SCRN1: variants seen among roughly 807,000 people sequenced by gnomAD.
SCRN1 encodes secernin 1.
Under a neutral mutation model 43.3 loss-of-function variants are expected in SCRN1, and 19 were observed. The observed-to-expected ratio is 0.44, with a 90% CI of 0.31 to 0.64. The LOEUF is 0.64. Among genes scored for constraint, SCRN1 ranks in the 30% least tolerant of loss-of-function variants. SCRN1 has a pLI of 0.09. For synonymous variants in SCRN1, 183 were observed against 188.9 expected, an observed-to-expected ratio of 0.97 and a Z score of 0.26; for missense variants, 447 against 524.1, an observed-to-expected ratio of 0.85 and a Z score of 1.44.
rs559846740 is a variant in SCRN1, at chr7:29,954,319, T to A, written c.341+860A>T. Reference sequence around the variant, plus strand: ...TCTATTTTTCTTTTCTAGTTTATGATTTTTCATATTTTTATATATATATTA... The same window carrying A: ...TCTATTTTTCTTTTCTAGTTTATGAATTTTCATATTTTTATATATATATTA... On this transcript the variant is annotated intron_variant, in intron 3 of 7. Transcript: ENST00000242059. Among the ~76,000 whole-genome samples the A allele has an allele frequency of 6.6e-5, 10 of 151,998 alleles. No individual in the cohort carries two copies. The South Asian group carries it at 2.1e-3, about 32-fold the overall frequency.
At chr7:29,953,246 T>C (rs1788017194) in intron 3 of SCRN1, among the ~76,000 whole-genome samples, 1 of 152,254 alleles carries the variant, frequency 6.6e-6, no homozygotes, top group African/African-American at 2.4e-5. Flanking sequence ...TTCTTAAAAT[T>C]TCCATTGCTC....
chr7:29,927,352 CCCCA>C (rs1237126607), intron 6 of SCRN1, among the ~76,000 whole-genome samples: 22 of 109,810 alleles, frequency 2.0e-4, no homozygotes, highest in Non-Finnish European at 3.2e-4. Context: ...TACATCACCC[CCCCA>C]CCCACCCACC....
intron 6 of SCRN1, among the ~76,000 whole-genome samples, chr7:29,929,361 G>A (rs7776904): frequency 0.034 from 5,150 of 152,326 alleles, 108 homozygotes; most frequent in African/African-American, 0.066. Context: ...GCCCTCCTGC[G>A]GAGCCTACTG....
rs369130153 is a variant in SCRN1, at chr7:29,921,227, C to G, written c.*2730G>C. 2 of 152,622 alleles carry G rather than the reference C, an allele frequency of 1.3e-5. No individual in the cohort carries two copies. The highest frequency in any genetic ancestry group is 4.8e-5 in the African/African-American group (2 of 41,444). 9.5% of individuals were successfully genotyped at this position (152,622 alleles called of 1,614,324 possible). ...GATACACAAAGGGTTTCCTAGGAAG[C>G]TACTTATACACTATGACCCTTAAAC... is the stretch of plus-strand genomic sequence containing the variant. On this transcript the variant is annotated 3_prime_UTR_variant, in exon 8 of 8. Coordinates refer to ENST00000242059, the MANE Select transcript of SCRN1 (RefSeq NM_014766.5).
intron 3 of SCRN1, among the ~76,000 whole-genome samples, chr7:29,949,451 T>C (rs1327564461): frequency 1.4e-5 from 2 of 145,602 alleles, no homozygotes; most frequent in Non-Finnish European, 3.0e-5. Context: ...TGATCTCAGC[T>C]CACTGCAACC....
intron 2 of SCRN1, among the ~76,000 whole-genome samples, chr7:29,963,711 T>C (rs1314814735): frequency 6.6e-6 from 1 of 152,192 alleles, no homozygotes; most frequent in Non-Finnish European, 1.5e-5. Context: ...AGCTGCACTT[T>C]CTGGACTAGC....
At position 29,923,795 on chromosome 7, in the gene SCRN1, T is replaced by G; in HGVS notation, c.*162A>C. 1.0e-4 allele frequency: 77 copies of G among 744,816 alleles called. No individual in the cohort carries two copies. Among genetic ancestry groups the G allele is most frequent in the Non-Finnish European group, 1.4e-4 (63 of 448,440 alleles). 46.1% of individuals were successfully genotyped at this position (744,816 alleles called of 1,614,324 possible). On this transcript the variant is annotated 3_prime_UTR_variant, in exon 8 of 8. Coordinates refer to ENST00000242059, the MANE Select transcript of SCRN1 (RefSeq NM_014766.5). ...ACCTACATTGCAGAAGGGGACGCTGTGAGATTCAAGGTGGAACACAAGGTA... is the reference window on the plus strand; with the variant it reads ...ACCTACATTGCAGAAGGGGACGCTGGGAGATTCAAGGTGGAACACAAGGTA...
chr7:29,985,331 G>C (rs748067962), intron 1 of SCRN1, among the ~76,000 whole-genome samples: 1 of 143,834 alleles, frequency 7.0e-6, no homozygotes, highest in Non-Finnish European at 1.5e-5. Flanking sequence ...ACTTGAACCT[G>C]GGGGGACAGA....
At chr7:29,932,024 G>C (rs557857595) in intron 6 of SCRN1, among the ~76,000 whole-genome samples, 1 of 152,318 alleles carries the variant, frequency 6.6e-6, no homozygotes, top group African/African-American at 2.4e-5. Context: ...ACCTGGCTGA[G>C]AGCAGAACTA....
At chr7:29,983,100 G>A (rs1016339585) in intron 1 of SCRN1, among the ~76,000 whole-genome samples, 3 of 151,972 alleles carry the variant, frequency 2.0e-5, no homozygotes, top group South Asian at 2.1e-4. Flanking sequence ...GCCTCCCAAA[G>A]TGCTGGGATT....
chr7:29,984,472 A>G (rs1298664231), intron 1 of SCRN1, among the ~76,000 whole-genome samples: 2 of 152,130 alleles, frequency 1.3e-5, no homozygotes, highest in Non-Finnish European at 2.9e-5. Context: ...TGAAAAAGAG[A>G]TAATTTCCCT....
rs192815127 is a variant in SCRN1 at position 29,935,262 on chromosome 7, A to T, written c.905+1294T>A. On this transcript the variant is annotated intron_variant, in intron 6 of 7. Coordinates refer to ENST00000242059, the MANE Select transcript of SCRN1 (RefSeq NM_014766.5). ...ATTGATATTGGCAGTAGTTTAAAAAATGAGGCCAAAGGGTCACAAGAGGTG... is the reference window on the plus strand; with the variant it reads ...ATTGATATTGGCAGTAGTTTAAAAATTGAGGCCAAAGGGTCACAAGAGGTG... Among the ~76,000 whole-genome samples, 151 of 152,360 alleles carry T rather than the reference A, an allele frequency of 9.9e-4. 2 individuals are homozygous for T. Among genetic ancestry groups the T allele is most frequent in the Non-Finnish European group, 1.6e-3 (110 of 68,038 alleles).
At chr7:29,975,145 T>A (rs983554890) in intron 1 of SCRN1, among the ~76,000 whole-genome samples, 5 of 152,188 alleles carry the variant, frequency 3.3e-5, no homozygotes, top group Admixed American at 6.5e-5. Flanking sequence ...TAACTCTCAA[T>A]CACATACACG....
chr7:29,931,856 C>T (rs957655329), intron 6 of SCRN1, among the ~76,000 whole-genome samples: 4 of 152,206 alleles, frequency 2.6e-5, no homozygotes, highest in African/African-American at 4.8e-5. Flanking sequence ...CTCTCAAAAA[C>T]GCAGGCGCCC....
At chr7:29,926,899 TGA>T (rs1341225451) in intron 6 of SCRN1, among the ~76,000 whole-genome samples, 3 of 152,066 alleles carry the variant, frequency 2.0e-5, no homozygotes, top group African/African-American at 7.2e-5. Context: ...CTGAACCATT[TGA>T]GAGGACTCTT....
intron 1 of SCRN1, chr7:29,969,279 G>A (rs1295203898): frequency 1.8e-6 from 1 of 567,868 alleles, no homozygotes; most frequent in Non-Finnish European, 3.1e-6. Flanking sequence ...AATACTCTGT[G>A]GGATTAAATG....
rs767075596 is a variant in SCRN1 at position 29,968,928 on chromosome 7, T to C, written c.140A>G (p.Glu47Gly). The C allele has an allele frequency of 4.3e-6, 7 of 1,614,088 alleles. No homozygotes were observed. The highest frequency in any genetic ancestry group is 5.1e-6 in the Non-Finnish European group (6 of 1,180,014). Residue 47 changes from glutamate (E) to glycine (G), a missense_variant, in exon 2 of 8, where the codon GAA becomes GGA. Glu to Gly is a moderately conservative substitution (Grantham distance 98, BLOSUM62 -2). Transcript: ENST00000242059. ...GCTTACCTCAACCTTGCTCTCCGGT[T>C]CGTGATCAGCAGCCGAGAAATACAC... ...EVVYFSAADH[E>G]PESKVECTYI...
At chr7:29,967,959 C>T (rs908111303) in intron 2 of SCRN1, among the ~76,000 whole-genome samples, 5 of 152,106 alleles carry the variant, frequency 3.3e-5, no homozygotes, top group South Asian at 2.1e-4. Flanking sequence ...GAATGCAAAA[C>T]GGTACACCAC....
At position 29,974,685 on chromosome 7, in the gene SCRN1, C is replaced by CTTTCTT. The variant is rs1288431675; in HGVS notation, c.-1-5618_-1-5617insAAGAAA. Among the ~76,000 whole-genome samples, 4 of 134,212 alleles carry CTTTCTT rather than the reference C, an allele frequency of 3.0e-5. No individual in the cohort carries two copies. In the East Asian group the frequency reaches 6.2e-4, roughly 21 times the overall value. The allele number at this position is 134,212 out of a possible 152,430, so 88.0% of individuals were successfully genotyped here. Reference sequence around the variant, plus strand: ...TGTTTACACGATTCTTTCTTTCTTTCTTTTTTTTTTTTTTTTGAGATGGAG... The same window carrying CTTTCTT: ...TGTTTACACGATTCTTTCTTTCTTTCTTTCTTTTTTTTTTTTTTTTTTGAGATGGAG... On this transcript the variant is annotated intron_variant, in intron 1 of 7. Coordinates refer to ENST00000242059, the MANE Select transcript of SCRN1 (RefSeq NM_014766.5).
Sources: gnomAD v4.1 joint callset for allele counts (sites outside exome capture counted in the v4.1 genomes callset) on GRCh38, gnomAD v4.1.1 for gene constraint, MANE v1.5 for transcripts, NCBI Gene and HGNC (gene_info 2026-07-23, HGNC 2026-07-21) for gene names.